Variants in ADGRL3 observed in about 807,000 individuals in gnomAD.
The protein encoded by ADGRL3 is adhesion G protein-coupled receptor L3.
ADGRL3 carries 62 observed loss-of-function variants against 153.5 expected under a neutral mutation model. That is an observed-to-expected ratio of 0.40 (90% confidence interval 0.33 to 0.50). ADGRL3 has a LOEUF of 0.50. ADGRL3 is among the 20% of genes least tolerant of loss of function. The pLI is 0.47. For missense variants in ADGRL3, 1,641 were observed against 1,859.4 expected (o/e 0.88, Z 2.16); for synonymous variants, 710 against 672.5 (o/e 1.06, Z -0.86).
chr4:61,619,729 G>T (rs1028270974), intron 5 of ADGRL3, among the ~76,000 whole-genome samples: 1 of 152,230 alleles, frequency 6.6e-6, no homozygotes, highest in Non-Finnish European at 1.5e-5. Flanking sequence ...ATTCACAGCA[G>T]AGCCACTGGA....
intron 21 of ADGRL3, among the ~76,000 whole-genome samples, chr4:62,017,944 C>T (rs2099220446): frequency 2.6e-5 from 4 of 152,040 alleles, no homozygotes; most frequent in Admixed American, 2.0e-4. Context: ...AGTACAGTGG[C>T]GTGATCTTGG....
At chr4:61,851,286 T>G (rs1401379067) in intron 9 of ADGRL3, among the ~76,000 whole-genome samples, 1 of 151,938 alleles carries the variant, frequency 6.6e-6, no homozygotes, top group Non-Finnish European at 1.5e-5. Context: ...ACTTAGAATG[T>G]TAATAAAAAG....
intron 8 of ADGRL3, among the ~76,000 whole-genome samples, chr4:61,804,745 A>G (rs2097535000): frequency 6.6e-6 from 1 of 152,134 alleles, no homozygotes; most frequent in Non-Finnish European, 1.5e-5. Flanking sequence ...AGAGTAATAC[A>G]TGATAAATAG....
intron 2 of ADGRL3, among the ~76,000 whole-genome samples, chr4:61,409,404 AATAT>A (rs10573056): frequency 1.5e-5 from 2 of 137,894 alleles, no homozygotes; most frequent in African/African-American, 5.3e-5. Flanking sequence ...AGACATACAT[AATAT>A]ATATATATAT....
chr4:61,684,727 G>A (rs573996232), intron 6 of ADGRL3, among the ~76,000 whole-genome samples: 1 of 152,102 alleles, frequency 6.6e-6, no homozygotes, highest in Non-Finnish European at 1.5e-5. Context: ...GCTCTGATTT[G>A]GTTCTGCCCA....
At chr4:62,009,518 AT>A (rs2099174357) in intron 21 of ADGRL3, among the ~76,000 whole-genome samples, 1 of 152,152 alleles carries the variant, frequency 6.6e-6, no homozygotes, top group Non-Finnish European at 1.5e-5. Flanking sequence ...ATAAATGGTT[AT>A]ATATAGAGAA....
intron 9 of ADGRL3, among the ~76,000 whole-genome samples, chr4:61,886,984 C>A (rs1294047426): frequency 6.6e-6 from 1 of 151,638 alleles, no homozygotes; most frequent in African/African-American, 2.4e-5. Flanking sequence ...ATCAGTGAGA[C>A]TATAGACACC....
chr4:62,054,449 T>C (rs1038922838), intron 25 of ADGRL3, among the ~76,000 whole-genome samples: 1 of 151,708 alleles, frequency 6.6e-6, no homozygotes, highest in Non-Finnish European at 1.5e-5. Flanking sequence ...GGTTTCTAGC[T>C]AATTATATGA....
At chr4:61,658,145 A>T (rs909155362) in intron 5 of ADGRL3, among the ~76,000 whole-genome samples, 1 of 151,880 alleles carries the variant, frequency 6.6e-6, no homozygotes, top group African/African-American at 2.4e-5. Flanking sequence ...AGCCCACCTT[A>T]TTCCCTCCCT....
intron 6 of ADGRL3, among the ~76,000 whole-genome samples, chr4:61,699,973 C>A (rs73825927): frequency 4.2e-4 from 63 of 150,602 alleles, no homozygotes; most frequent in East Asian, 2.7e-3. Context: ...CACACAAAAA[C>A]ACACACAGAG....
rs139353638 is a variant in ADGRL3 at position 61,225,185 on chromosome 4, C to A, written c.-240+23420C>A. Among the ~76,000 whole-genome samples, 4 of 152,302 alleles carry A rather than the reference C, an allele frequency of 2.6e-5. No homozygotes were observed. In the East Asian group the frequency reaches 7.7e-4, roughly 29 times the overall value. On this transcript the variant is annotated intron_variant, in intron 1 of 26. Coordinates refer to ENST00000683033, the MANE Select transcript of ADGRL3 (RefSeq NM_001387552.1). ...TTGTACTCTGGTACTTTCAGCTTAG[C>A]TGCCTGACAGAGCAGAAGGGCAATC...
intron 2 of ADGRL3, among the ~76,000 whole-genome samples, chr4:61,490,698 GA>G (rs66522716): frequency 0.79 from 115,387 of 146,596 alleles, 46,052 homozygotes; most frequent in East Asian, 0.95. Context: ...CCTCAATATT[GA>G]AAAAAAAAAA....
At chr4:61,373,242 G>A (rs530830709) in intron 1 of ADGRL3, among the ~76,000 whole-genome samples, 3 of 152,104 alleles carry the variant, frequency 2.0e-5, no homozygotes, top group Non-Finnish European at 4.4e-5. Context: ...GGCCATCTTG[G>A]CTCCTCTAAC....
At chr4:61,587,551 T>G in intron 5 of ADGRL3, 111 bp downstream of exon 5, 2 of 798,418 alleles carry the variant, frequency 2.5e-6, no homozygotes, top group Non-Finnish European at 3.8e-6. Flanking sequence ...TTTAGGACAC[T>G]TCAAAATAGT....
At chr4:61,351,960 G>A (rs913130726) in intron 1 of ADGRL3, among the ~76,000 whole-genome samples, 5 of 152,090 alleles carry the variant, frequency 3.3e-5, no homozygotes, top group African/African-American at 1.2e-4. Context: ...TAATTCATAA[G>A]GCTATACCTG....
chr4:61,451,575 A>G (rs1160778392), intron 2 of ADGRL3, among the ~76,000 whole-genome samples: 1 of 152,174 alleles, frequency 6.6e-6, no homozygotes, highest in African/African-American at 2.4e-5. Context: ...CAAAGAGATG[A>G]GCAGTATTTT....
chr4:61,963,575 G>T (rs1312402142), intron 17 of ADGRL3, among the ~76,000 whole-genome samples: 1 of 152,070 alleles, frequency 6.6e-6, no homozygotes, highest in Non-Finnish European at 1.5e-5. Context: ...CATCCATGTT[G>T]CTGCAAAGGA....
chr4:61,380,721 T>C (rs1242892327), intron 1 of ADGRL3, among the ~76,000 whole-genome samples: 4 of 151,978 alleles, frequency 2.6e-5, no homozygotes, highest in Non-Finnish European at 4.4e-5. Context: ...TATGAACATA[T>C]ATTTGCCGGC....
Position 61,733,163 on chromosome 4 carries a change from T to C in ADGRL3, c.1008T>C (p.Asp336=). The change falls in exon 8 of 27, where the codon GAT becomes GAC. Residue 336 remains aspartate (D), a synonymous_variant. Transcript: ENST00000683033. ...GGKSDIDLAV[D]ENGLWVIYAT... ...AATCTGACATAGACCTGGCAGTAGA[T>C]GAGAATGGGCTATGGGTAATCTATG... The C allele has an allele frequency of 6.2e-7, 1 of 1,613,240 alleles. No individual in the cohort carries two copies. Among genetic ancestry groups the C allele is most frequent in the Non-Finnish European group, 8.5e-7 (1 of 1,179,612 alleles).
Sources: allele counts gnomAD v4.1 joint callset (sites outside exome capture counted in the v4.1 genomes callset), GRCh38; gene constraint gnomAD v4.1.1; transcripts MANE v1.5; gene names NCBI Gene and HGNC (gene_info 2026-07-23, HGNC 2026-07-21).